CHD1L: variants seen among roughly 807,000 people sequenced by gnomAD.
CHD1L encodes ATP-dependent chromatin remodeler CHD1L.
A neutral mutation model predicts 115.9 loss-of-function variants in CHD1L; 118 were observed. The ratio of observed to expected loss-of-function variants is 1.02; its 90% CI spans 0.88 to 1.19. The LOEUF is 1.19. Ranked by LOEUF, CHD1L falls within the 50% of genes most tolerant of loss-of-function variation. The pLI, the probability that CHD1L is intolerant of heterozygous loss-of-function variation, is 0.00. For synonymous variants in CHD1L, 411 were observed against 387.1 expected (o/e 1.06, Z -0.72); for missense variants, 1,179 against 1,065.3 (o/e 1.11, Z -1.49).
At chr1:147,178,335 A>T in the CHD1L span, 1 of 1,612,554 alleles carries the variant, frequency 6.2e-7, no homozygotes, top group Non-Finnish European at 8.5e-7. Flanking sequence ...CTACCAGATT[A>T]AAAGGAATAG....
At chr1:147,213,449 T>G in the CHD1L span, 40 of 1,610,394 alleles carry the variant, frequency 2.5e-5, no homozygotes, top group South Asian at 8.9e-5. Flanking sequence ...TCAGGCTGCT[T>G]CTTCACACTG....
chr1:147,188,070 A>G, the CHD1L span, among the ~76,000 whole-genome samples: 1 of 152,176 alleles, frequency 6.6e-6, no homozygotes, highest in Non-Finnish European at 1.5e-5. Flanking sequence ...AGAGGACCTG[A>G]TAGAGGGTCA....
chr1:147,293,300 G>A lies in CHD1L; in HGVS notation c.2392-308G>A, dbSNP rs114306119. The stretch of plus-strand genomic sequence containing the variant: ...AGATCTTTTCCATGCCTACAATTCA[G>A]AAAAATTCTCTTTTTTTTTTTAACC... On this transcript the variant is annotated intron_variant, in intron 20 of 22. Coordinates refer to ENST00000369258, the MANE Select transcript of CHD1L (RefSeq NM_004284.6). Among the ~76,000 whole-genome samples the A allele has an allele frequency of 7.4e-3, 881 of 118,528 alleles. 6 individuals carry two copies. Among genetic ancestry groups the A allele is most frequent in the African/African-American group, 0.026 (853 of 33,094 alleles). The allele number at this position is 118,528 out of a possible 152,430, so 77.8% of individuals were successfully genotyped here. A position where few individuals can be genotyped will look rare whatever the true frequency, so the allele number is the denominator to read the frequency against.
chr1:147,261,390 G>A (rs1340359775), intron 6 of CHD1L, among the ~76,000 whole-genome samples: 1 of 118,950 alleles, frequency 8.4e-6, no homozygotes, highest in Non-Finnish European at 1.7e-5. Context: ...CTATCCAAAT[G>A]CTGCATGACA....
At chr1:147,254,788 T>C (rs1669534719) in intron 2 of CHD1L, 82 bp from the exon 3 acceptor site, 1 of 845,788 alleles carries the variant, frequency 1.2e-6, no homozygotes, top group African/African-American at 1.7e-5. Flanking sequence ...GAGTGTGTGT[T>C]CCCTACAGGG....
chr1:147,190,384 C>G, the CHD1L span: 2 of 578,342 alleles, frequency 3.5e-6, no homozygotes, highest in Non-Finnish European at 6.1e-6. Context: ...TTACAATTCA[C>G]TTGATCACCT....
At chr1:147,185,063 G>C in the CHD1L span, among the ~76,000 whole-genome samples, 1 of 152,036 alleles carries the variant, frequency 6.6e-6, no homozygotes, top group Non-Finnish European at 1.5e-5. Flanking sequence ...GTAAATTGAT[G>C]AATATTATTA....
intron 1 of CHD1L, among the ~76,000 whole-genome samples, chr1:147,249,348 G>A (rs1667636667): frequency 7.0e-6 from 1 of 142,940 alleles, no homozygotes; most frequent in Non-Finnish European, 1.5e-5. Context: ...CTGCATTTAA[G>A]ATATTTTCTT....
the CHD1L span, among the ~76,000 whole-genome samples, chr1:147,228,187 G>A: frequency 6.7e-6 from 1 of 149,574 alleles, no homozygotes; most frequent in Admixed American, 6.7e-5. Flanking sequence ...AGGCCCCAGT[G>A]TGTCATGTTC....
At position 147,259,932 on chromosome 1, in the gene CHD1L, G is replaced by T. The variant is rs1553942855; in HGVS notation, c.576+14G>T. Reference sequence around the variant, plus strand: ...ACCTTGTCAGAGGTAAACTTACAGTGTAGCCTTAGTTTTTATATAACCCCT... The same window carrying T: ...ACCTTGTCAGAGGTAAACTTACAGTTTAGCCTTAGTTTTTATATAACCCCT... On this transcript the variant is annotated intron_variant, in intron 6 of 22. Coordinates refer to ENST00000369258, the MANE Select transcript of CHD1L (RefSeq NM_004284.6). 1.9e-6 allele frequency: 3 copies of T among 1,598,082 alleles called. No homozygotes were observed. Among genetic ancestry groups the T allele is most frequent in the Non-Finnish European group, 2.6e-6 (3 of 1,169,564 alleles).
Position 147,293,628 on chromosome 1 carries a change from G to C in CHD1L, c.2412G>C (p.Gln804His). ...TCCAGTTGGCCTTGATTGTGGCTCA[G>C]CATCGTGATCGTTCCAATGTCCTGT... ...GQDLLALIVA[Q>H]HRDRSNVLSG... Residue 804 changes from glutamine (Q) to histidine (H), a missense_variant, in exon 21 of 23, where the codon CAG becomes CAC. Gln to His is a conservative substitution (Grantham distance 24, BLOSUM62 0). Transcript: ENST00000369258. 1 of 1,614,038 alleles carries C rather than the reference G, an allele frequency of 6.2e-7. No homozygotes were observed. Among genetic ancestry groups the C allele is most frequent in the Non-Finnish European group, 8.5e-7 (1 of 1,179,994 alleles).
chr1:147,294,571 G>C, intron 22 of CHD1L, 54 bp downstream of exon 22: 1 of 1,391,434 alleles, frequency 7.2e-7, no homozygotes, highest in Admixed American at 1.9e-5. Context: ...GGGAAAATGT[G>C]TTCATTTTCT....
At chr1:147,201,371 C>T in the CHD1L span, 3 of 1,614,164 alleles carry the variant, frequency 1.9e-6, no homozygotes, top group East Asian at 2.2e-5. Context: ...GCATCAATGT[C>T]ATCCTCCCTG....
the CHD1L span, among the ~76,000 whole-genome samples, chr1:147,234,368 A>G: frequency 1.3e-5 from 2 of 152,212 alleles, no homozygotes; most frequent in South Asian, 2.1e-4. Context: ...CATCCATTCT[A>G]TGCCTGCTAT....
chr1:147,219,409 G>A, the CHD1L span, among the ~76,000 whole-genome samples: 1 of 151,134 alleles, frequency 6.6e-6, no homozygotes, highest in African/African-American at 2.4e-5. Context: ...TTTTATTTTT[G>A]TTAAAATGTT....
At chr1:147,259,296 A>T (rs1306768936) in intron 5 of CHD1L, 1 of 152,224 alleles carries the variant, frequency 6.6e-6, no homozygotes, top group East Asian at 1.9e-4. Context: ...CTTCCTGGAC[A>T]TCTCTGTGAG....
At chr1:147,249,168 T>A (rs1553935121) in intron 1 of CHD1L, among the ~76,000 whole-genome samples, 1 of 152,162 alleles carries the variant, frequency 6.6e-6, no homozygotes, top group Non-Finnish European at 1.5e-5. Flanking sequence ...TCTTCATTCC[T>A]GAATACCATT....
At chr1:147,209,393 G>T in the CHD1L span, among the ~76,000 whole-genome samples, 11 of 132,454 alleles carry the variant, frequency 8.3e-5, no homozygotes, top group East Asian at 2.5e-3. Flanking sequence ...AGCCAAGATC[G>T]CACCACTGCA....
intron 6 of CHD1L, among the ~76,000 whole-genome samples, chr1:147,262,898 T>C (rs1672472064): frequency 6.6e-6 from 1 of 152,112 alleles, no homozygotes; most frequent in South Asian, 2.1e-4. Flanking sequence ...ATTAACACTT[T>C]AATGGTTTAA....
Sources: allele counts gnomAD v4.1 joint callset (sites outside exome capture counted in the v4.1 genomes callset), GRCh38; gene constraint gnomAD v4.1.1; transcripts MANE v1.5; gene names NCBI Gene and HGNC (gene_info 2026-07-23, HGNC 2026-07-21).